TRIM36: variants seen among roughly 807,000 people sequenced by gnomAD.
TRIM36 encodes E3 ubiquitin-protein ligase TRIM36.
In TRIM36, 42 loss-of-function variants were observed where a neutral mutation model predicts 72.4. The ratio of observed to expected loss-of-function variants is 0.58; its 90% confidence interval spans 0.45 to 0.75. The LOEUF (loss-of-function observed/expected upper bound fraction) is 0.75, where lower values mean the gene tolerates loss of function less well. Ranked by LOEUF, TRIM36 falls within the 30% of genes least tolerant of loss-of-function variation. TRIM36 has a pLI of 0.00. For synonymous variants in TRIM36, 315 were observed against 282.8 expected (o/e 1.11, Z -1.14); for missense variants, 913 against 857.1 (o/e 1.07, Z -0.81).
upstream of TRIM36, among the ~76,000 whole-genome samples, chr5:115,170,847 C>G: frequency 6.6e-6 from 1 of 152,230 alleles, no homozygotes. Flanking sequence ...CCCCGCACCC[C>G]CGCGGGGAGT....
rs764482096 is a variant in TRIM36 at position 115,130,786 on chromosome 5, C to G, written c.1602G>C (p.Leu534=). The change falls in exon 9 of 10, where the codon CTG becomes CTC. Residue 534 remains leucine (L), a synonymous_variant. Coordinates refer to ENST00000513154, the MANE Select transcript of TRIM36 (RefSeq NM_001300759.2). ...CCACTTGGATGCGTTCTGCAGCAAG[C>G]AGAAGATTAAATCCAGCTCTACTCT... ...RVESRAGFNL[L]LAAERIQVGY... is the part of the protein sequence containing the mutation. The G allele has an allele frequency of 9.3e-6, 15 of 1,614,112 alleles. No individual in the cohort carries two copies. The East Asian group carries it at 2.5e-4, about 26-fold the overall frequency.
At chr5:115,180,224 G>C, upstream of TRIM36, 1 of 547,322 alleles carries the variant, frequency 1.8e-6, no homozygotes, top group South Asian at 2.4e-5. Context: ...GCCATCGAGG[G>C]CTCCCGGGCA....
intron 7 of TRIM36, among the ~76,000 whole-genome samples, chr5:115,136,583 A>G (rs1009617149): frequency 6.6e-6 from 1 of 152,184 alleles, no homozygotes; most frequent in South Asian, 2.1e-4. Flanking sequence ...AACTCTGACA[A>G]GGATGTGCGA....
At position 115,178,020 on chromosome 5, in the gene TRIM36, G is replaced by C. The variant is rs971512367; in HGVS notation, c.63+1955C>G. 2.0e-5 allele frequency: 16 copies of C among 794,786 alleles called. No homozygotes were observed. In the South Asian group the frequency reaches 2.5e-4, roughly 12 times the overall value. 49.2% of individuals were successfully genotyped at this position (794,786 alleles called of 1,614,324 possible). On this transcript the variant is annotated intron_variant, in intron 1 of 9. Transcript: ENST00000282369. ...GGTTTTGTTTTTGTTTACCTGACTTGATTATAAGGAGTTTTAATGGTTCTG... is the reference window on the plus strand; with the variant it reads ...GGTTTTGTTTTTGTTTACCTGACTTCATTATAAGGAGTTTTAATGGTTCTG...
intron 1 of TRIM36, among the ~76,000 whole-genome samples, chr5:115,167,330 T>A (rs1337852636): frequency 1.3e-5 from 2 of 152,224 alleles, no homozygotes; most frequent in African/African-American, 4.8e-5. Flanking sequence ...CCTGGAGACA[T>A]TTTACCCATA....
intron 2 of TRIM36, 99 bp downstream of exon 2, chr5:115,163,419 T>C: frequency 9.8e-7 from 1 of 1,016,628 alleles, no homozygotes. Flanking sequence ...AAAAATTAAC[T>C]CTCAAGATGA....
intron 1 of TRIM36, among the ~76,000 whole-genome samples, chr5:115,165,783 C>G (rs1282041437): frequency 2.0e-5 from 3 of 152,160 alleles, no homozygotes; most frequent in African/African-American, 7.2e-5. Flanking sequence ...CATTCCTATG[C>G]TCTCGGGGGC....
chr5:115,136,934 T>A (rs1752992389), intron 7 of TRIM36, 66 bp downstream of exon 7: 9 of 1,424,570 alleles, frequency 6.3e-6, no homozygotes, highest in Non-Finnish European at 8.4e-6. Context: ...AGAGAACTTG[T>A]GTTTTCTTCC....
rs1420088240 is a variant in TRIM36 at position 115,169,880 on chromosome 5, C to T, written c.-246G>A. On this transcript the variant is annotated 5_prime_UTR_variant, in exon 1 of 10. Coordinates refer to ENST00000513154, the MANE Select transcript of TRIM36 (RefSeq NM_001300759.2). ...TACCCCGGGAATCCCGCCCAGCTGC[C>T]GGCTGCAGCAGCGGCTCCTGCGGAC... is the stretch of plus-strand genomic sequence containing the variant. 7.7e-7 allele frequency: 1 copy of T among 1,302,406 alleles called. No homozygotes were observed. The highest frequency in any genetic ancestry group is 9.8e-7 in the Non-Finnish European group (1 of 1,024,704). 80.7% of individuals were successfully genotyped at this position (1,302,406 alleles called of 1,614,324 possible).
intron 1 of TRIM36, chr5:115,177,487 A>T (rs967105404): frequency 1.6e-6 from 2 of 1,242,604 alleles, no homozygotes; most frequent in Non-Finnish European, 2.0e-6. Flanking sequence ...CCGAACTACA[A>T]AGTGGAACCG....
At chr5:115,179,873 C>T in intron 1 of TRIM36, 1 of 1,168,064 alleles carries the variant, frequency 8.6e-7, no homozygotes. Context: ...CAGCCTCCCG[C>T]CCTTCCCAGG....
intron 2 of TRIM36, among the ~76,000 whole-genome samples, chr5:115,160,634 C>G (rs143532345): frequency 4.0e-4 from 61 of 152,296 alleles, no homozygotes; most frequent in African/African-American, 1.4e-3. Context: ...AGCCAGGAGT[C>G]TGAAACCAGC....
chr5:115,149,642 TAAAAAAAA>T (rs202015411), intron 2 of TRIM36: 22 of 98,514 alleles, frequency 2.2e-4, no homozygotes, highest in Non-Finnish European at 2.8e-4. Context: ...TTTTACAGTG[TAAAAAAAA>T]AAAAAAAAAG....
exon 1 of TRIM36, chr5:115,180,009 AATTCACTCATCTCCCCAG>A: frequency 6.2e-7 from 1 of 1,614,078 alleles, no homozygotes; most frequent in Non-Finnish European, 8.5e-7. Flanking sequence ...GATGTAGCCA[AATTCACTCATCTCCCCAG>A]ACTCCGACAT....
intron 2 of TRIM36, among the ~76,000 whole-genome samples, chr5:115,152,658 A>G (rs921216531): frequency 4.6e-5 from 7 of 152,330 alleles, no homozygotes; most frequent in African/African-American, 1.7e-4. Context: ...TCAGATTAAC[A>G]GCAGATTTCT....
At chr5:115,158,134 T>TAAAG (rs58749147) in intron 2 of TRIM36, among the ~76,000 whole-genome samples, 3,412 of 151,676 alleles carry the variant, frequency 0.022, 57 homozygotes, top group African/African-American at 0.048. Flanking sequence ...ATTTTAAAAA[T>TAAAG]GAAAGAAAGA....
Position 115,126,248 on chromosome 5 carries a change from A to G in TRIM36, c.*255T>C, listed in dbSNP as rs2112750088. 4.7e-6 allele frequency: 2 copies of G among 426,850 alleles called. No individual in the cohort carries two copies. The highest frequency in any genetic ancestry group is 7.2e-5 in the East Asian group (2 of 27,650). The allele number at this position is 426,850 out of a possible 1,614,324, so 26.4% of individuals were successfully genotyped here. A position where few individuals can be genotyped will look rare whatever the true frequency, so the allele number is the denominator to read the frequency against. On this transcript the variant is annotated 3_prime_UTR_variant, in exon 10 of 10. Coordinates refer to ENST00000513154, the MANE Select transcript of TRIM36 (RefSeq NM_001300759.2). ...AATTAGATATCCTGTACATAAAGTA[A>G]AAGACAGTCCAGTTGCAAAGTTAAC...
intron 2 of TRIM36, among the ~76,000 whole-genome samples, chr5:115,161,834 C>T (rs776156567): frequency 6.7e-6 from 1 of 149,462 alleles, no homozygotes; most frequent in Non-Finnish European, 1.5e-5. Context: ...ATATTTACAG[C>T]GAAAAACTAA....
At chr5:115,170,713 C>T (rs561066137), upstream of TRIM36, among the ~76,000 whole-genome samples, 1 of 152,250 alleles carries the variant, frequency 6.6e-6, no homozygotes, top group Non-Finnish European at 1.5e-5. Context: ...GTGGAGATTC[C>T]TCTCCCGGAT....
Sources: allele counts gnomAD v4.1 joint callset (sites outside exome capture counted in the v4.1 genomes callset), GRCh38; gene constraint gnomAD v4.1.1; transcripts MANE v1.5; gene names NCBI Gene and HGNC (gene_info 2026-07-23, HGNC 2026-07-21).